ELOVL5: variants seen among roughly 807,000 people sequenced by gnomAD.
ELOVL5 encodes ELOVL fatty acid elongase 5.
In ELOVL5, 8 loss-of-function variants were observed where a neutral mutation model predicts 38.6. That is an observed-to-expected ratio of 0.21 (90% CI 0.12 to 0.37). The LOEUF (loss-of-function observed/expected upper bound fraction) is 0.37. Among genes scored for constraint, ELOVL5 ranks in the 10% least tolerant of loss-of-function variants. The probability of loss-of-function intolerance (pLI) is 1.00; values close to 1 mark genes in which losing one functional copy is unlikely to be tolerated. For synonymous variants in ELOVL5, 127 were observed against 133.7 expected (o/e 0.95, Z 0.34); for missense variants, 280 against 367.8 (o/e 0.76, Z 1.95).
intron 1 of ELOVL5, among the ~76,000 whole-genome samples, chr6:53,317,948 T>C (rs189823337): frequency 2.6e-5 from 4 of 152,216 alleles, no homozygotes; most frequent in Admixed American, 2.6e-4. Context: ...ATAATGATAA[T>C]AGCAACTAAT....
intron 3 of ELOVL5, among the ~76,000 whole-genome samples, chr6:53,286,638 T>C (rs1268521997): frequency 6.6e-6 from 1 of 152,160 alleles, no homozygotes; most frequent in Non-Finnish European, 1.5e-5. Flanking sequence ...AATGGTGTAA[T>C]AAATTCCAAC....
At chr6:53,288,688 G>A (rs543672022) in intron 3 of ELOVL5, among the ~76,000 whole-genome samples, 2 of 152,170 alleles carry the variant, frequency 1.3e-5, no homozygotes, top group Admixed American at 6.5e-5. Flanking sequence ...TTTAAAACTG[G>A]GATTTAGTTA....
At chr6:53,277,078 C>T (rs563366577) in intron 3 of ELOVL5, 2 of 150,906 alleles carry the variant, frequency 1.3e-5, no homozygotes, top group East Asian at 2.1e-4. Context: ...AGAGTCTGCA[C>T]CCCAATTCTT....
chr6:53,271,895 GC>G (rs1397267265), intron 6 of ELOVL5, among the ~76,000 whole-genome samples: 4 of 152,164 alleles, frequency 2.6e-5, no homozygotes, highest in African/African-American at 9.7e-5. Context: ...GACCAACTTT[GC>G]CAGTCTGTTC....
At chr6:53,308,906 C>G (rs209484) in intron 1 of ELOVL5, among the ~76,000 whole-genome samples, 12 of 137,188 alleles carry the variant, frequency 8.7e-5, no homozygotes, top group East Asian at 2.4e-4. Context: ...GGCGGGGAGG[C>G]AATCATATTT....
intron 3 of ELOVL5, among the ~76,000 whole-genome samples, chr6:53,289,537 G>A (rs2127573517): frequency 6.6e-6 from 1 of 152,310 alleles, no homozygotes; most frequent in South Asian, 2.1e-4. Context: ...TGGCCAACAT[G>A]GTGAAACCCT....
chr6:53,333,900 T>C (rs999041578), intron 1 of ELOVL5, among the ~76,000 whole-genome samples: 1 of 152,014 alleles, frequency 6.6e-6, no homozygotes, highest in African/African-American at 2.4e-5. Flanking sequence ...CAACATTAGG[T>C]AGAAGGACAG....
intron 1 of ELOVL5, among the ~76,000 whole-genome samples, chr6:53,343,532 T>C (rs1260376395): frequency 6.6e-6 from 1 of 152,056 alleles, no homozygotes; most frequent in East Asian, 1.9e-4. Context: ...CTTTCTAAGA[T>C]CTAAATGATC....
chr6:53,308,806 G>A (rs1169677180), intron 1 of ELOVL5, among the ~76,000 whole-genome samples: 1 of 141,074 alleles, frequency 7.1e-6, no homozygotes, highest in Non-Finnish European at 1.5e-5. Flanking sequence ...TCAAGGACAA[G>A]TTATTTTTTA....
At chr6:53,344,216 C>T (rs1178080675) in intron 1 of ELOVL5, among the ~76,000 whole-genome samples, 1 of 152,164 alleles carries the variant, frequency 6.6e-6, no homozygotes, top group African/African-American at 2.4e-5. Flanking sequence ...GGCTGTGGGG[C>T]TATTTCCATC....
rs369586873 is a variant in ELOVL5, at chr6:53,269,098, G to A, written c.*29C>T. The A allele has an allele frequency of 4.2e-4, 671 of 1,608,576 alleles. No homozygotes were observed. The highest frequency in any genetic ancestry group is 5.5e-4 in the Non-Finnish European group (647 of 1,177,794). ...CATATTGTGCTTACAATCAGATGAC[G>A]TGGTTTGGAGGGTTTCAATTCTTTG... is the stretch of plus-strand genomic sequence containing the variant. On this transcript the variant is annotated 3_prime_UTR_variant, in exon 8 of 8. Transcript: ENST00000304434.
chr6:53,325,088 C>T (rs1768482490), intron 1 of ELOVL5, among the ~76,000 whole-genome samples: 2 of 152,152 alleles, frequency 1.3e-5, no homozygotes, highest in African/African-American at 4.8e-5. Flanking sequence ...TGACTCTGCC[C>T]AACACCCTAG....
At chr6:53,341,412 G>C (rs1244347818) in intron 1 of ELOVL5, among the ~76,000 whole-genome samples, 1 of 152,168 alleles carries the variant, frequency 6.6e-6, no homozygotes, top group African/African-American at 2.4e-5. Flanking sequence ...GTACAGCACA[G>C]CAGGGTGGCC....
chr6:53,345,264 G>T (rs889542251), intron 1 of ELOVL5, among the ~76,000 whole-genome samples: 1 of 152,172 alleles, frequency 6.6e-6, no homozygotes, highest in Non-Finnish European at 1.5e-5. Context: ...GGGGACTTCA[G>T]AGAAATGGAG....
At chr6:53,323,606 G>C (rs1044618290) in intron 1 of ELOVL5, among the ~76,000 whole-genome samples, 1 of 113,414 alleles carries the variant, frequency 8.8e-6, no homozygotes, top group African/African-American at 4.0e-5. Context: ...TTTTGAGACG[G>C]AGTTTTGCTC....
chr6:53,321,282 G>C (rs1768294827), intron 1 of ELOVL5, among the ~76,000 whole-genome samples: 1 of 152,216 alleles, frequency 6.6e-6, no homozygotes, highest in African/African-American at 2.4e-5. Flanking sequence ...CAGTCCTGCA[G>C]ACATCATGCG....
chr6:53,315,517 T>C (rs1282738263), intron 1 of ELOVL5, among the ~76,000 whole-genome samples: 1 of 152,238 alleles, frequency 6.6e-6, no homozygotes, highest in South Asian at 2.1e-4. Flanking sequence ...TTTTCATTCA[T>C]ATAGTCAAGT....
chr6:53,292,059 T>C, intron 2 of ELOVL5, 96 bp from the exon 3 acceptor site: 1 of 680,420 alleles, frequency 1.5e-6, no homozygotes, highest in Non-Finnish European at 2.4e-6. Flanking sequence ...AAAAGTCACC[T>C]GGTATTCATG....
chr6:53,313,372 C>A (rs1487222701), intron 1 of ELOVL5, among the ~76,000 whole-genome samples: 1 of 128,974 alleles, frequency 7.8e-6, no homozygotes, highest in Non-Finnish European at 1.6e-5. Flanking sequence ...AGTTTTATTT[C>A]ATTTCTAAGA....
Sources: gnomAD v4.1 joint callset for allele counts (sites outside exome capture counted in the v4.1 genomes callset) on GRCh38, gnomAD v4.1.1 for gene constraint, MANE v1.5 for transcripts, NCBI Gene and HGNC (gene_info 2026-07-23, HGNC 2026-07-21) for gene names.